Variants in ADGRL3 observed in about 807,000 individuals in gnomAD.
ADGRL3 encodes adhesion G protein-coupled receptor L3, also known as calcium-independent alpha-latrotoxin receptor 3.
ADGRL3 carries 62 observed loss-of-function variants against 153.5 expected under a neutral mutation model. The observed-to-expected ratio is 0.40, with a 90% CI of 0.33 to 0.50. The LOEUF (loss-of-function observed/expected upper bound fraction) is 0.50, where lower values mean the gene tolerates loss of function less well. Ranked by LOEUF, ADGRL3 falls within the 20% of genes least tolerant of loss-of-function variation. The pLI, the probability that ADGRL3 is intolerant of heterozygous loss-of-function variation, is 0.47. For missense variants in ADGRL3, 1,641 were observed against 1,859.4 expected (o/e 0.88, Z 2.16); for synonymous variants, 710 against 672.5 (o/e 1.06, Z -0.86).
At chr4:62,023,935 T>G (rs1193742542) in intron 21 of ADGRL3, among the ~76,000 whole-genome samples, 1 of 152,122 alleles carries the variant, frequency 6.6e-6, no homozygotes, top group Non-Finnish European at 1.5e-5. Context: ...TTTGTAAATC[T>G]GATAGAGAGG....
At position 61,477,000 on chromosome 4, in the gene ADGRL3, T is replaced by C. The variant is rs187917774; in HGVS notation, c.-173-20121T>C. Among the ~76,000 whole-genome samples the C allele has an allele frequency of 2.0e-5, 3 of 152,062 alleles. No homozygotes were observed. The East Asian group carries it at 5.8e-4, about 29-fold the overall frequency. On this transcript the variant is annotated intron_variant, in intron 2 of 26. Transcript: ENST00000683033. Reference sequence around the variant, plus strand: ...TTTTGTTCAGTTCATGTGAAAACACTGAATAAATATACAGAAATAAATGAA... The same window carrying C: ...TTTTGTTCAGTTCATGTGAAAACACCGAATAAATATACAGAAATAAATGAA...
intron 1 of ADGRL3, among the ~76,000 whole-genome samples, chr4:61,364,179 A>G (rs1301702364): frequency 6.6e-6 from 1 of 151,892 alleles, no homozygotes; most frequent in Non-Finnish European, 1.5e-5. Context: ...AAATAAAAAA[A>G]AAAATTAGCT....
chr4:61,406,012 A>G lies in ADGRL3; in HGVS notation c.-174+22823A>G, dbSNP rs116558106. ...TATCACCAGGAATAAACAAACTTCA[A>G]ACATTTTATACATTCACTCACTGAA... On this transcript the variant is annotated intron_variant, in intron 2 of 26. Transcript: ENST00000683033. 4.6e-3 allele frequency among the ~76,000 whole-genome samples: 703 copies of G among 152,148 alleles called. 6 individuals are homozygous for G. Among genetic ancestry groups the G allele is most frequent in the African/African-American group, 0.016 (670 of 41,558 alleles).
At position 61,601,735 on chromosome 4, in the gene ADGRL3, C is replaced by T. The variant is rs768347814; in HGVS notation, c.473+14295C>T. 8.5e-5 allele frequency among the ~76,000 whole-genome samples: 13 copies of T among 152,212 alleles called. 1 individual carries two copies. Among genetic ancestry groups the T allele is most frequent in the Admixed American group, 6.5e-4 (10 of 15,282 alleles). On this transcript the variant is annotated intron_variant, in intron 5 of 26. Transcript: ENST00000683033. ...TATTCTGTCAGCATTCAGCTGTGGC[C>T]GTTCTGCTAAGGAAGACAACATAAT...
rs183558979 is a variant in ADGRL3, at chr4:61,351,342, C to T, written c.-239-31782C>T. 2.6e-5 allele frequency among the ~76,000 whole-genome samples: 4 copies of T among 152,278 alleles called. No individual in the cohort carries two copies. In the East Asian group the frequency reaches 5.8e-4, roughly 22 times the overall value. On this transcript the variant is annotated intron_variant, in intron 1 of 26. Coordinates refer to ENST00000683033, the MANE Select transcript of ADGRL3 (RefSeq NM_001387552.1). The stretch of plus-strand genomic sequence containing the variant: ...AAGCCATCTCCATAACATAAAAGTA[C>T]AAGGTGAAGTAGCAAGTGCTGATGT...
chr4:61,858,175 T>C (rs1175131653), intron 9 of ADGRL3, among the ~76,000 whole-genome samples: 1 of 152,192 alleles, frequency 6.6e-6, no homozygotes, highest in Non-Finnish European at 1.5e-5. Context: ...TAGAGAGAAC[T>C]TGGCAAACTT....
In ADGRL3 at chr4:62,006,003, C is replaced by CACACACATATAT. The variant is rs1230956055; in HGVS notation, c.3395+7739_3395+7740insCACACATATATA. Among the ~76,000 whole-genome samples, 12 of 48,986 alleles carry CACACACATATAT rather than the reference C, an allele frequency of 2.4e-4. No individual in the cohort carries two copies. The East Asian group carries it at 5.4e-3, about 22-fold the overall frequency. The allele number at this position is 48,986 out of a possible 152,430, so 32.1% of individuals were successfully genotyped here. The stretch of plus-strand genomic sequence containing the variant: ...ACACACACACACACACACACACACA[C>CACACACATATAT]ATATATATATATATATATATATATA... On this transcript the variant is annotated intron_variant, in intron 21 of 26. Transcript: ENST00000683033.
At chr4:61,947,751 A>G (rs910136947) in intron 16 of ADGRL3, among the ~76,000 whole-genome samples, 1 of 152,214 alleles carries the variant, frequency 6.6e-6, no homozygotes, top group Non-Finnish European at 1.5e-5. Flanking sequence ...TGTAAATTCA[A>G]CAAAGATTTC....
At chr4:61,656,058 C>T (rs928775943) in intron 5 of ADGRL3, among the ~76,000 whole-genome samples, 3 of 152,084 alleles carry the variant, frequency 2.0e-5, no homozygotes, top group African/African-American at 7.2e-5. Flanking sequence ...TTCTTAATCA[C>T]AGGTTTTTGA....
chr4:61,371,616 G>T (rs1163368067), intron 1 of ADGRL3, among the ~76,000 whole-genome samples: 1 of 152,110 alleles, frequency 6.6e-6, no homozygotes, highest in Non-Finnish European at 1.5e-5. Flanking sequence ...AGTCTGATGG[G>T]CTTCCCTTTG....
intron 2 of ADGRL3, among the ~76,000 whole-genome samples, chr4:61,465,090 A>T (rs1417726345): frequency 6.6e-6 from 1 of 152,192 alleles, no homozygotes; most frequent in Non-Finnish European, 1.5e-5. Flanking sequence ...AATTTAAGTG[A>T]ATTTAAAATA....
intron 9 of ADGRL3, among the ~76,000 whole-genome samples, chr4:61,861,543 A>G (rs2098340303): frequency 6.6e-6 from 1 of 152,002 alleles, no homozygotes; most frequent in Non-Finnish European, 1.5e-5. Context: ...TGGGGTTGTG[A>G]TTATCTGTTG....
chr4:61,995,142 G>A (rs891856983), intron 19 of ADGRL3, among the ~76,000 whole-genome samples: 2 of 151,558 alleles, frequency 1.3e-5, no homozygotes, highest in African/African-American at 4.8e-5. Flanking sequence ...GGGCTCTAGT[G>A]AATCACCCTC....
chr4:61,715,871 A>G lies in ADGRL3; in HGVS notation c.584-14751A>G, dbSNP rs538036350. Among the ~76,000 whole-genome samples, 20 of 151,650 alleles carry G rather than the reference A, an allele frequency of 1.3e-4. No homozygotes were observed. In the South Asian group the frequency reaches 2.3e-3, roughly 17 times the overall value. On this transcript the variant is annotated intron_variant, in intron 6 of 26. Transcript: ENST00000683033. Reference sequence around the variant, plus strand: ...TCAGCATGGCTCTAGAGGCAGTAACATAAGCCATTTTCATAACCATCTCCT... The same window carrying G: ...TCAGCATGGCTCTAGAGGCAGTAACGTAAGCCATTTTCATAACCATCTCCT...
intron 1 of ADGRL3, among the ~76,000 whole-genome samples, chr4:61,338,602 C>G (rs528652870): frequency 2.0e-5 from 3 of 152,286 alleles, no homozygotes; most frequent in African/African-American, 7.2e-5. Context: ...TGAGACTCTG[C>G]TCACAAACTG....
At chr4:61,607,233 G>A (rs1331642307) in intron 5 of ADGRL3, among the ~76,000 whole-genome samples, 1 of 152,090 alleles carries the variant, frequency 6.6e-6, no homozygotes, top group Non-Finnish European at 1.5e-5. Context: ...CACAGAACTG[G>A]TGGAGTCATG....
At chr4:61,801,644 C>T (rs770362203) in intron 8 of ADGRL3, among the ~76,000 whole-genome samples, 3 of 152,012 alleles carry the variant, frequency 2.0e-5, no homozygotes, top group African/African-American at 2.4e-5. Context: ...TGTGAAGCCT[C>T]GTGGTATAAG....
intron 6 of ADGRL3, among the ~76,000 whole-genome samples, chr4:61,722,791 G>T (rs2096264100): frequency 6.6e-6 from 1 of 151,874 alleles, no homozygotes; most frequent in South Asian, 2.1e-4. Flanking sequence ...CTCTGATTTG[G>T]AGCTAATATC....
At chr4:61,393,112 T>G (rs2096832281) in intron 2 of ADGRL3, among the ~76,000 whole-genome samples, 1 of 152,106 alleles carries the variant, frequency 6.6e-6, no homozygotes, top group Non-Finnish European at 1.5e-5. Flanking sequence ...CTCCCTGGAT[T>G]GTAGTATTCT....
Sources: gnomAD v4.1 joint callset for allele counts (sites outside exome capture counted in the v4.1 genomes callset) on GRCh38, gnomAD v4.1.1 for gene constraint, MANE v1.5 for transcripts, NCBI Gene and HGNC (gene_info 2026-07-23, HGNC 2026-07-21) for gene names.